Variants in POU2AF2 observed in about 807,000 individuals in gnomAD.
The protein encoded by POU2AF2 is POU class 2 homeobox associating factor 2, also known as POU domain class 2-associating factor 2.
the POU2AF2 span, chr11:111,284,472 TC>T: frequency 1.4e-6 from 2 of 1,396,756 alleles, no homozygotes; most frequent in South Asian, 1.4e-5. Flanking sequence ...TGAAGCCAGG[TC>T]TGGCTCACCC....
chr11:111,261,260 T>TACAC, the POU2AF2 span, among the ~76,000 whole-genome samples: 629 of 141,006 alleles, frequency 4.5e-3, 2 homozygotes, highest in African/African-American at 8.6e-3. Context: ...TAGTACCAAA[T>TACAC]ACACACACAC....
the POU2AF2 span, among the ~76,000 whole-genome samples, chr11:111,253,395 C>T: frequency 6.6e-6 from 1 of 152,208 alleles, no homozygotes; most frequent in Non-Finnish European, 1.5e-5. Flanking sequence ...CAAGGGATTT[C>T]ATCCTCTTTC....
At chr11:111,280,815 T>C in the POU2AF2 span, among the ~76,000 whole-genome samples, 1 of 152,166 alleles carries the variant, frequency 6.6e-6, no homozygotes, top group Non-Finnish European at 1.5e-5. Flanking sequence ...AGGTCAGACA[T>C]TGGTATGGTA....
chr11:111,268,479 TTTATTTTA>T, the POU2AF2 span, among the ~76,000 whole-genome samples: 896 of 25,360 alleles, frequency 0.035, 29 homozygotes, highest in African/African-American at 0.12. Flanking sequence ...TTTTTCTTTT[TTTATTTTA>T]TTTTATTTTA....
At chr11:111,262,002 G>T in the POU2AF2 span, among the ~76,000 whole-genome samples, 1 of 152,110 alleles carries the variant, frequency 6.6e-6, no homozygotes, top group African/African-American at 2.4e-5. Context: ...CGTGATTCTT[G>T]CATGCCAATC....
chr11:111,251,818 G>T, the POU2AF2 span, among the ~76,000 whole-genome samples: 2 of 152,320 alleles, frequency 1.3e-5, no homozygotes, highest in African/African-American at 2.4e-5. Flanking sequence ...AAGTTATTTT[G>T]CATCCCCTGT....
the POU2AF2 span, among the ~76,000 whole-genome samples, chr11:111,266,334 A>G: frequency 6.6e-6 from 1 of 152,094 alleles, no homozygotes; most frequent in African/African-American, 2.4e-5. Context: ...AGATTTTCCC[A>G]GACCTCAGAA....
chr11:111,283,341 G>A, the POU2AF2 span, among the ~76,000 whole-genome samples: 1 of 151,112 alleles, frequency 6.6e-6, no homozygotes, highest in East Asian at 2.0e-4. Flanking sequence ...GAGCCACCGA[G>A]CCTGCACCAC....
the POU2AF2 span, among the ~76,000 whole-genome samples, chr11:111,271,908 T>C: frequency 6.6e-6 from 1 of 152,070 alleles, no homozygotes; most frequent in Admixed American, 6.5e-5. Flanking sequence ...TCCCAGCTAC[T>C]TGGGAGGCTG....
At chr11:111,245,951 G>T in the POU2AF2 span, 8 of 396,472 alleles carry the variant, frequency 2.0e-5, no homozygotes, top group Non-Finnish European at 3.6e-5. Flanking sequence ...TAAAACAAAG[G>T]TTAAGGAGAA....
At chr11:111,285,208 G>C in the POU2AF2 span, among the ~76,000 whole-genome samples, 7 of 152,096 alleles carry the variant, frequency 4.6e-5, no homozygotes, top group Non-Finnish European at 1.0e-4. Context: ...GACAGAGTGG[G>C]CTTCTCAGTC....
chr11:111,277,641 G>C, the POU2AF2 span, among the ~76,000 whole-genome samples: 1 of 152,346 alleles, frequency 6.6e-6, no homozygotes, highest in African/African-American at 2.4e-5. Context: ...ATCGGATTGG[G>C]CATGTGTGCT....
the POU2AF2 span, among the ~76,000 whole-genome samples, chr11:111,282,282 C>T: frequency 6.6e-6 from 1 of 152,070 alleles, no homozygotes; most frequent in Admixed American, 6.5e-5. Context: ...CAACCTTAAC[C>T]GCTCTCATAA....
chr11:111,271,750 C>G, the POU2AF2 span, among the ~76,000 whole-genome samples: 1 of 152,096 alleles, frequency 6.6e-6, no homozygotes, highest in Non-Finnish European at 1.5e-5. Flanking sequence ...TGGTGGCTCA[C>G]GCCTGTAATT....
the POU2AF2 span, among the ~76,000 whole-genome samples, chr11:111,267,696 C>T: frequency 6.6e-6 from 1 of 152,164 alleles, no homozygotes; most frequent in East Asian, 1.9e-4. Context: ...ATCAATTGAC[C>T]TGCTGTCTCT....
the POU2AF2 span, among the ~76,000 whole-genome samples, chr11:111,259,946 G>C: frequency 6.6e-6 from 1 of 152,144 alleles, no homozygotes; most frequent in African/African-American, 2.4e-5. Flanking sequence ...TTAGACATTT[G>C]CATGAATTGC....
the POU2AF2 span, among the ~76,000 whole-genome samples, chr11:111,271,798 G>C: frequency 6.6e-6 from 1 of 151,938 alleles, no homozygotes; most frequent in African/African-American, 2.4e-5. Flanking sequence ...GGATCACCTG[G>C]GGTCAGGAGT....
the POU2AF2 span, among the ~76,000 whole-genome samples, chr11:111,276,054 C>T: frequency 6.6e-6 from 1 of 151,738 alleles, no homozygotes; most frequent in East Asian, 1.9e-4. Context: ...AACAGAGTCC[C>T]AGGAGGAGAG....
chr11:111,280,057 A>ATAT, the POU2AF2 span, among the ~76,000 whole-genome samples: 37 of 76,472 alleles, frequency 4.8e-4, no homozygotes, highest in African/African-American at 1.5e-3. Context: ...AAAAAAAAAA[A>ATAT]ATATATATAT....
Sources: gnomAD v4.1 joint callset for allele counts (sites outside exome capture counted in the v4.1 genomes callset) on GRCh38, gnomAD v4.1.1 for gene constraint, MANE v1.5 for transcripts, NCBI Gene and HGNC (gene_info 2026-07-23, HGNC 2026-07-21) for gene names.